Variants in NPEPPS observed in about 807,000 individuals in gnomAD.
The protein encoded by NPEPPS is puromycin-sensitive aminopeptidase.
Under a neutral mutation model 115.5 loss-of-function variants are expected in NPEPPS, and 14 were observed. The observed-to-expected ratio is 0.12, with a 90% CI of 0.08 to 0.19. The LOEUF is 0.19. Among genes scored for constraint, NPEPPS ranks in the 10% least tolerant of loss-of-function variants. The pLI is 1.00. For missense variants in NPEPPS, 523 were observed against 1,110.8 expected (o/e 0.47, Z 7.52); for synonymous variants, 285 against 390.6 (o/e 0.73, Z 3.19).
At chr17:47,611,944 C>T (rs1047782665) in intron 17 of NPEPPS, among the ~76,000 whole-genome samples, 3 of 152,142 alleles carry the variant, frequency 2.0e-5, no homozygotes, top group African/African-American at 7.2e-5. Context: ...ATTGGTATCT[C>T]ATTGTGGTTT....
At chr17:47,618,498 C>A (rs577310764) in intron 20 of NPEPPS, 41 bp downstream of exon 20, 23 of 1,338,534 alleles carry the variant, frequency 1.7e-5, no homozygotes, top group Non-Finnish European at 2.3e-5. Context: ...TGAATCGTTA[C>A]CCATCTCTGA....
upstream of NPEPPS, among the ~76,000 whole-genome samples, chr17:47,530,162 C>G (rs2935184): frequency 7.1e-6 from 1 of 140,106 alleles, no homozygotes. Context: ...CCAGGCTGGT[C>G]TTGAACTCCT....
chr17:47,574,205 G>T (rs868413870), intron 3 of NPEPPS, among the ~76,000 whole-genome samples: 16 of 152,016 alleles, frequency 1.1e-4, no homozygotes, highest in African/African-American at 7.2e-5. Flanking sequence ...AAAACAAAAG[G>T]TAATTTGGAG....
At chr17:47,539,607 T>G (rs1908605477) in intron 1 of NPEPPS, among the ~76,000 whole-genome samples, 1 of 152,174 alleles carries the variant, frequency 6.6e-6, no homozygotes, top group Admixed American at 6.6e-5. Context: ...AGTAACTTCT[T>G]TCTTCAGGTA....
intron 2 of NPEPPS, among the ~76,000 whole-genome samples, chr17:47,552,976 A>G (rs1229924302): frequency 1.3e-5 from 2 of 152,156 alleles, no homozygotes; most frequent in African/African-American, 4.8e-5. Flanking sequence ...TCTAGGGTCC[A>G]TGTACTTGCC....
intron 2 of NPEPPS, among the ~76,000 whole-genome samples, chr17:47,558,964 GCGGA>G (rs1356967342): frequency 6.6e-6 from 1 of 151,910 alleles, no homozygotes; most frequent in Non-Finnish European, 1.5e-5. Context: ...AACCCGGGAG[GCGGA>G]CGGAGGTTGC....
Position 47,531,320 on chromosome 17 carries a change from C to T in NPEPPS, c.20C>T (p.Ala7Val). 1.4e-6 allele frequency: 2 copies of T among 1,475,996 alleles called. No homozygotes were observed. The highest frequency in any genetic ancestry group is 1.8e-6 in the Non-Finnish European group (2 of 1,086,760). The allele number at this position is 1,475,996 out of a possible 1,614,324, so 91.4% of individuals were successfully genotyped here. A position where few individuals can be genotyped will look rare whatever the true frequency, so the allele number is the denominator to read the frequency against. The change falls in exon 1 of 23, where the codon GCC (alanine) becomes GTC (valine). Residue 7 changes from alanine (A) to valine (V), a missense_variant. By Grantham distance (64) the Ala-to-Val change is moderately conservative. Coordinates refer to ENST00000322157, the MANE Select transcript of NPEPPS (RefSeq NM_006310.4). ...CGGTGGATGTGGCTGGCAGCTGCCG[C>T]CCCCTCCCTCGCTCGCCGCCTGCTC... MWLAAA[A>V]PSLARRLLFL...
intron 2 of NPEPPS, among the ~76,000 whole-genome samples, chr17:47,550,460 A>C (rs1188628418): frequency 6.7e-6 from 1 of 150,148 alleles, no homozygotes; most frequent in East Asian, 1.9e-4. Context: ...GTTTTAAAAT[A>C]ATCCTTAATA....
At chr17:47,563,266 A>G (rs1254485211) in intron 2 of NPEPPS, among the ~76,000 whole-genome samples, 1 of 152,098 alleles carries the variant, frequency 6.6e-6, no homozygotes, top group Non-Finnish European at 1.5e-5. Flanking sequence ...TCCTGACCTC[A>G]GGTGATCTGC....
chr17:47,532,785 C>T lies in NPEPPS; in HGVS notation c.255+1230C>T, dbSNP rs573784407. On this transcript the variant is annotated intron_variant, in intron 1 of 22. Transcript: ENST00000322157. ...CATACTCCACTCCCTCCTCCCGCAG[C>T]ATTATCTGAAGTATTGTTTGATTTT... Among the ~76,000 whole-genome samples, 341 of 152,072 alleles carry T rather than the reference C, an allele frequency of 2.2e-3. 2 individuals are homozygous for T. Among genetic ancestry groups the T allele is most frequent in the African/African-American group, 8.1e-3 (338 of 41,486 alleles).
chr17:47,582,025 T>A (rs1400324077), intron 4 of NPEPPS: 1 of 152,246 alleles, frequency 6.6e-6, no homozygotes, highest in Non-Finnish European at 1.5e-5. Context: ...CAGAATCTTG[T>A]CATTGGTTCC....
chr17:47,523,579 C>A (rs942871440), intron 1 of NPEPPS, among the ~76,000 whole-genome samples: 3 of 152,034 alleles, frequency 2.0e-5, no homozygotes, highest in African/African-American at 7.2e-5. Flanking sequence ...CGCCACCACA[C>A]CCGGCAAATT....
At chr17:47,590,012 T>A (rs556686335) in intron 9 of NPEPPS, among the ~76,000 whole-genome samples, 28 of 152,342 alleles carry the variant, frequency 1.8e-4, no homozygotes, top group African/African-American at 6.3e-4. Flanking sequence ...TTCCCTCTTC[T>A]TCCTTTTCTA....
chr17:47,537,631 G>A (rs1456583749), intron 1 of NPEPPS, among the ~76,000 whole-genome samples: 4 of 151,956 alleles, frequency 2.6e-5, no homozygotes, highest in Middle Eastern at 3.2e-3. Flanking sequence ...AAGCGGAGGA[G>A]CGGAGGTTGC....
chr17:47,602,184 C>T (rs1394036526), intron 15 of NPEPPS, among the ~76,000 whole-genome samples: 1 of 152,094 alleles, frequency 6.6e-6, no homozygotes, highest in African/African-American at 2.4e-5. Context: ...TATTTCAAAA[C>T]CATTTCACAA....
At chr17:47,527,634 G>T (rs1185138410), upstream of NPEPPS, among the ~76,000 whole-genome samples, 2 of 151,350 alleles carry the variant, frequency 1.3e-5, no homozygotes, top group Admixed American at 6.6e-5. Context: ...TAGGCAGGTG[G>T]ATCACCTGAG....
At chr17:47,554,855 A>G (rs1324107041) in intron 2 of NPEPPS, among the ~76,000 whole-genome samples, 4 of 152,212 alleles carry the variant, frequency 2.6e-5, no homozygotes, top group African/African-American at 4.8e-5. Flanking sequence ...GGTGGCATAT[A>G]TATACAGCAT....
chr17:47,595,139 C>T (rs140301724), intron 12 of NPEPPS, among the ~76,000 whole-genome samples: 4 of 152,230 alleles, frequency 2.6e-5, no homozygotes, highest in Non-Finnish European at 5.9e-5. Context: ...CCATGTTGGC[C>T]AGGCTGGTTT....
chr17:47,539,110 TTTTTTTC>T (rs1350629562), intron 1 of NPEPPS, among the ~76,000 whole-genome samples: 2 of 150,970 alleles, frequency 1.3e-5, no homozygotes, highest in East Asian at 1.9e-4. Flanking sequence ...CTTTTTTTTT[TTTTTTTC>T]TTTTTTCTTT....
Sources: gnomAD v4.1 joint callset for allele counts (sites outside exome capture counted in the v4.1 genomes callset) on GRCh38, gnomAD v4.1.1 for gene constraint, MANE v1.5 for transcripts, NCBI Gene and HGNC (gene_info 2026-07-23, HGNC 2026-07-21) for gene names.